Variants in PRKN observed in about 807,000 individuals in gnomAD.
PRKN encodes the protein E3 ubiquitin-protein ligase parkin.
Under a neutral mutation model 59.5 loss-of-function variants are expected in PRKN, and 56 were observed. That is an observed-to-expected ratio of 0.94 (90% CI 0.76 to 1.18). The LOEUF is 1.18. PRKN is among the 50% of genes most tolerant of loss of function. The pLI is 0.00. For missense variants in PRKN, 657 were observed against 596.4 expected, an observed-to-expected ratio of 1.10 and a Z score of -1.06; for synonymous variants, 250 against 222.1, an observed-to-expected ratio of 1.13 and a Z score of -1.12.
At chr6:161,512,012 C>A (rs1030265046) in intron 9 of PRKN, among the ~76,000 whole-genome samples, 8 of 152,174 alleles carry the variant, frequency 5.3e-5, no homozygotes, top group Non-Finnish European at 1.5e-5. Flanking sequence ...GCACACACAC[C>A]TACATTGTTG....
chr6:161,821,817 C>T (rs1374200616), intron 6 of PRKN, among the ~76,000 whole-genome samples: 3 of 142,840 alleles, frequency 2.1e-5, no homozygotes, highest in African/African-American at 5.2e-5. Context: ...GGTGCAATCT[C>T]GGCTCACTGC....
At chr6:161,902,549 T>TCTATCTATCTATCTATCTATTTTTC (rs55730017) in intron 6 of PRKN, among the ~76,000 whole-genome samples, 1 of 96,962 alleles carries the variant, frequency 1.0e-5, no homozygotes, top group Non-Finnish European at 2.3e-5. Context: ...TATCTATCTA[T>TCTATCTATCTATCTATCTATTTTTC]TTATTTATTT....
chr6:162,286,238 A>T (rs953517618), intron 2 of PRKN, among the ~76,000 whole-genome samples: 2 of 152,170 alleles, frequency 1.3e-5, no homozygotes, highest in Non-Finnish European at 2.9e-5. Context: ...TTTATTTGCT[A>T]GCTAATTATT....
At chr6:161,653,077 A>G (rs1194219332) in intron 7 of PRKN, among the ~76,000 whole-genome samples, 1 of 152,188 alleles carries the variant, frequency 6.6e-6, no homozygotes, top group Non-Finnish European at 1.5e-5. Context: ...CATAAGATAC[A>G]AATTGGCTGG....
intron 1 of PRKN, among the ~76,000 whole-genome samples, chr6:162,492,694 G>C (rs1792872173): frequency 6.6e-6 from 1 of 152,020 alleles, no homozygotes; most frequent in Non-Finnish European, 1.5e-5. Flanking sequence ...GCTCACGCCT[G>C]TAATCCCAGC....
chr6:161,787,621 T>G (rs1293689825), intron 6 of PRKN, among the ~76,000 whole-genome samples: 1 of 152,186 alleles, frequency 6.6e-6, no homozygotes, highest in Non-Finnish European at 1.5e-5. Context: ...AGAACATTTA[T>G]GAAAATGTGC....
chr6:161,480,524 A>G lies in PRKN; in HGVS notation c.1083+68330T>C, dbSNP rs1167649008. Among the ~76,000 whole-genome samples the G allele has an allele frequency of 1.3e-5, 2 of 152,196 alleles. No homozygotes were observed. The highest frequency in any genetic ancestry group is 2.4e-5 in the African/African-American group (1 of 41,444). ...ATGCCAGAAGCGAGAGTTTGATTCCATTGGTATTAATAACACTGCGATGAT... is the reference window on the plus strand; with the variant it reads ...ATGCCAGAAGCGAGAGTTTGATTCCGTTGGTATTAATAACACTGCGATGAT... On this transcript the variant is annotated intron_variant, in intron 9 of 11. Coordinates refer to ENST00000366898, the MANE Select transcript of PRKN (RefSeq NM_004562.3). The surrounding 1 kb of genome is among the most constrained non-coding windows in gnomAD (Gnocchi z 4.1).
chr6:162,266,241 G>C (rs1780125190), intron 2 of PRKN, among the ~76,000 whole-genome samples: 1 of 151,622 alleles, frequency 6.6e-6, no homozygotes, highest in Non-Finnish European at 1.5e-5. Flanking sequence ...AAAAATCTTT[G>C]CTTACTGTGC....
At chr6:161,885,312 C>A (rs186441966) in intron 6 of PRKN, among the ~76,000 whole-genome samples, 66 of 152,176 alleles carry the variant, frequency 4.3e-4, no homozygotes, top group Admixed American at 4.3e-3. Flanking sequence ...TGGCTTCTAT[C>A]TGGGTTCACA....
At position 161,575,714 on chromosome 6, in the gene PRKN, T is replaced by C. The variant is rs1781105403; in HGVS notation, c.872-6298A>G. Among the ~76,000 whole-genome samples the C allele has an allele frequency of 6.6e-6, 1 of 152,210 alleles. No homozygotes were observed. Among genetic ancestry groups the C allele is most frequent in the Non-Finnish European group, 1.5e-5 (1 of 68,036 alleles). ...TGATGTGCTCCTGGCACTGGTCACA[T>C]GACACAAATAATCTGCAATTTGCAG... On this transcript the variant is annotated intron_variant, in intron 7 of 11. Coordinates refer to ENST00000366898, the MANE Select transcript of PRKN (RefSeq NM_004562.3). The surrounding 1 kb of genome is among the most constrained non-coding windows in gnomAD (Gnocchi z 4.6).
Position 161,576,344 on chromosome 6 carries a change from G to A in PRKN, c.872-6928C>T, listed in dbSNP as rs973175672. The stretch of plus-strand genomic sequence containing the variant: ...CAAGATATCCTAAGCCAGTTAAGGA[G>A]AATCTTGAAGATACTCACCTTCCAC... On this transcript the variant is annotated intron_variant, in intron 7 of 11. Coordinates refer to ENST00000366898, the MANE Select transcript of PRKN (RefSeq NM_004562.3). This position sits in a 1 kb window ranked among gnomAD's most constrained non-coding sequence, Gnocchi z 4.6. Among the ~76,000 whole-genome samples, 1 of 152,194 alleles carries A rather than the reference G, an allele frequency of 6.6e-6. No homozygotes were observed. The highest frequency in any genetic ancestry group is 1.5e-5 in the Non-Finnish European group (1 of 68,048).
At position 162,146,139 on chromosome 6, in the gene PRKN, C is replaced by T. The variant is rs544381799; in HGVS notation, c.534+54992G>A. Among the ~76,000 whole-genome samples the T allele has an allele frequency of 8.5e-5, 13 of 152,196 alleles. No individual in the cohort carries two copies. The East Asian group carries it at 1.2e-3, about 14-fold the overall frequency. ...GGCCTTAGGATCCCTGCCTCCAGAC[C>T]CTATTCTCCCAACTGATTATCTCTT... On this transcript the variant is annotated intron_variant, in intron 4 of 11. Transcript: ENST00000366898.
intron 1 of PRKN, among the ~76,000 whole-genome samples, chr6:162,498,434 TTTTTC>T (rs1222741707): frequency 3.8e-5 from 3 of 78,836 alleles, no homozygotes; most frequent in East Asian, 3.4e-4. Flanking sequence ...GTTTCTTTCC[TTTTTC>T]TTTTTTTTTT....
rs1333730938 is a variant in PRKN at position 161,473,219 on chromosome 6, A to C, written c.1083+75635T>G. Among the ~76,000 whole-genome samples, 1 of 152,182 alleles carries C rather than the reference A, an allele frequency of 6.6e-6. No homozygotes were observed. The highest frequency in any genetic ancestry group is 2.4e-5 in the African/African-American group (1 of 41,452). On this transcript the variant is annotated intron_variant, in intron 9 of 11. Transcript: ENST00000366898. This position sits in a 1 kb window ranked among gnomAD's most constrained non-coding sequence, Gnocchi z 4.1. Reference sequence around the variant, plus strand: ...TCTTATGTTCACTGTGGCATTATTTACAATAGCAAGATATGCAAACAACCT... The same window carrying C: ...TCTTATGTTCACTGTGGCATTATTTCCAATAGCAAGATATGCAAACAACCT...
chr6:161,350,448 G>A lies in PRKN; in HGVS notation c.1286-237C>T, dbSNP rs78691111. On this transcript the variant is annotated intron_variant, in intron 11 of 11. Coordinates refer to ENST00000366898, the MANE Select transcript of PRKN (RefSeq NM_004562.3). ...AATTGAAGCATGTCACTTTTGTCGGGAACAAATTTTATTTGTAAATCTGAC... is the reference window on the plus strand; with the variant it reads ...AATTGAAGCATGTCACTTTTGTCGGAAACAAATTTTATTTGTAAATCTGAC... 0.012 allele frequency among the ~76,000 whole-genome samples: 1,792 copies of A among 151,040 alleles called. 18 individuals carry two copies. Among genetic ancestry groups the A allele is most frequent in the Middle Eastern group, 0.034 (10 of 294 alleles).
chr6:162,469,525 CACACAT>C (rs1406098867), intron 1 of PRKN, among the ~76,000 whole-genome samples: 4 of 151,662 alleles, frequency 2.6e-5, no homozygotes, highest in Non-Finnish European at 4.4e-5. Flanking sequence ...CACACACACA[CACACAT>C]ACACATACTA....
At chr6:161,880,293 A>G (rs1794884057) in intron 6 of PRKN, among the ~76,000 whole-genome samples, 1 of 152,192 alleles carries the variant, frequency 6.6e-6, no homozygotes, top group Non-Finnish European at 1.5e-5. Flanking sequence ...ATGTGCTAAG[A>G]TATATAATAA....
chr6:161,987,572 T>C (rs558048281), intron 5 of PRKN, among the ~76,000 whole-genome samples: 113 of 152,374 alleles, frequency 7.4e-4, no homozygotes, highest in African/African-American at 2.6e-3. Flanking sequence ...CCTAATACAA[T>C]GTAAATGCTG....
chr6:162,495,477 TG>T (rs1362527078), intron 1 of PRKN, among the ~76,000 whole-genome samples: 2 of 152,058 alleles, frequency 1.3e-5, no homozygotes, highest in Admixed American at 1.3e-4. Context: ...GCCAAGAGCT[TG>T]GGGAACCATT....
Sources: allele counts gnomAD v4.1 joint callset (sites outside exome capture counted in the v4.1 genomes callset), GRCh38; gene constraint gnomAD v4.1.1; non-coding constraint Gnocchi (gnomAD v3.1); transcripts MANE v1.5; gene names NCBI Gene and HGNC (gene_info 2026-07-23, HGNC 2026-07-21).